Variants in SEMA6D observed in about 807,000 individuals in gnomAD.
The protein encoded by SEMA6D is semaphorin-6D.
A neutral mutation model predicts 106.6 loss-of-function variants in SEMA6D; 35 were observed. That is an observed-to-expected ratio of 0.33 (90% CI 0.25 to 0.44). The LOEUF (loss-of-function observed/expected upper bound fraction) is 0.44. Among genes scored for constraint, SEMA6D ranks in the 20% least tolerant of loss-of-function variants. The pLI is 1.00. For synonymous variants in SEMA6D, 499 were observed against 487.7 expected (o/e 1.02, Z -0.31); for missense variants, 1,185 against 1,345.9 (o/e 0.88, Z 1.87).
At chr15:47,579,019 G>C (rs1186215526) in intron 3 of SEMA6D, among the ~76,000 whole-genome samples, 2 of 152,154 alleles carry the variant, frequency 1.3e-5, no homozygotes, top group African/African-American at 4.8e-5. Flanking sequence ...ACTGGTCAGA[G>C]CATTTTCTGA....
Position 47,508,017 on chromosome 15 carries a change from A to G in SEMA6D, c.-87+37472A>G, listed in dbSNP as rs576837001. Reference sequence around the variant, plus strand: ...GATTTAAACTTCAGTTCTTAATATCATAACCATGCAATACTGCCTATGAAA... The same window carrying G: ...GATTTAAACTTCAGTTCTTAATATCGTAACCATGCAATACTGCCTATGAAA... On this transcript the variant is annotated intron_variant, in intron 3 of 19. Coordinates refer to the SEMA6D transcript ENST00000558014. Among the ~76,000 whole-genome samples the G allele has an allele frequency of 3.9e-5, 6 of 152,342 alleles. 1 individual carries two copies. In the South Asian group the frequency reaches 1.0e-3, roughly 26 times the overall value.
At chr15:47,699,520 T>C (rs1347342073) in intron 4 of SEMA6D, among the ~76,000 whole-genome samples, 2 of 152,214 alleles carry the variant, frequency 1.3e-5, no homozygotes, top group African/African-American at 4.8e-5. Flanking sequence ...ACATTTGTTG[T>C]TCTGTTTAAT....
chr15:47,466,124 G>A (rs1268319835), intron 2 of SEMA6D, among the ~76,000 whole-genome samples: 1 of 152,124 alleles, frequency 6.6e-6, no homozygotes, highest in African/African-American at 2.4e-5. Context: ...AAATTAAGAT[G>A]TTCATCACCT....
chr15:47,729,602 C>A (rs1005916844), intron 1 of SEMA6D, among the ~76,000 whole-genome samples: 1 of 152,200 alleles, frequency 6.6e-6, no homozygotes, highest in Admixed American at 6.5e-5. Flanking sequence ...CACCCCACTC[C>A]ATCTGCTGAT....
At chr15:47,676,112 G>A (rs2078240345) in intron 4 of SEMA6D, among the ~76,000 whole-genome samples, 1 of 152,166 alleles carries the variant, frequency 6.6e-6, no homozygotes, top group Non-Finnish European at 1.5e-5. Flanking sequence ...TTGCCTACCC[G>A]CGGCATTGGT....
chr15:47,270,359 A>AT (rs2034502553), intron 1 of SEMA6D, among the ~76,000 whole-genome samples: 1 of 151,744 alleles, frequency 6.6e-6, no homozygotes, highest in Non-Finnish European at 1.5e-5. Context: ...ATTGCTAGTA[A>AT]TTGCTTTATA....
At position 47,771,635 on chromosome 15, in the gene SEMA6D, C is replaced by G. The variant is rs150062428; in HGVS notation, c.3072C>G (p.Ser1024=). Residue 1024 remains serine, a synonymous_variant, in exon 19 of 19, where the codon TCC becomes TCG. Coordinates refer to ENST00000536845, the MANE Select transcript of SEMA6D (RefSeq NM_001358351.3). ...CAGTGAGTGTTCATCTGCAGCCTTCCCTCTCCAGACAGAGCAGCTACACCA... is the reference window on the plus strand; with the variant it reads ...CAGTGAGTGTTCATCTGCAGCCTTCGCTCTCCAGACAGAGCAGCTACACCA... ...GTPVSVHLQP[S]LSRQSSYTSN... The G allele has an allele frequency of 8.3e-5, 134 of 1,613,994 alleles. No homozygotes were observed. The Middle Eastern group carries it at 1.3e-3, about 16-fold the overall frequency.
chr15:47,365,026 A>T (rs2038960386), intron 1 of SEMA6D, among the ~76,000 whole-genome samples: 1 of 152,220 alleles, frequency 6.6e-6, no homozygotes, highest in Admixed American at 6.5e-5. Flanking sequence ...AGGCAGCAAG[A>T]TAACAAAAGG....
intron 1 of SEMA6D, among the ~76,000 whole-genome samples, chr15:47,198,905 A>T (rs886131044): frequency 1.3e-5 from 2 of 152,184 alleles, no homozygotes; most frequent in African/African-American, 4.8e-5. Flanking sequence ...AAGAGATTTC[A>T]ATGGGTACAG....
chr15:47,486,403 AT>A (rs2141363981), intron 3 of SEMA6D, among the ~76,000 whole-genome samples: 1 of 152,356 alleles, frequency 6.6e-6, no homozygotes, highest in Admixed American at 6.5e-5. Context: ...AAGGTCTTGT[AT>A]TTATAAAGTT....
rs540984481 is a variant in SEMA6D, at chr15:47,222,080, A to T, written c.-239+37662A>T. 2.0e-5 allele frequency among the ~76,000 whole-genome samples: 3 copies of T among 152,206 alleles called. No individual in the cohort carries two copies. The East Asian group carries it at 5.8e-4, about 29-fold the overall frequency. ...GCAAGTGTTTAAGAACTCCTGAACC[A>T]ACTGAGTGGATTATAATTCTGCAAG... is the stretch of plus-strand genomic sequence containing the variant. On this transcript the variant is annotated intron_variant, in intron 1 of 19. Coordinates refer to the SEMA6D transcript ENST00000558014.
intron 4 of SEMA6D, among the ~76,000 whole-genome samples, chr15:47,619,971 T>C (rs978176836): frequency 6.6e-6 from 1 of 152,208 alleles, no homozygotes; most frequent in African/African-American, 2.4e-5. Context: ...CTATTCACAT[T>C]ACATCTGCTG....
At chr15:47,568,345 G>A (rs1308776323) in intron 3 of SEMA6D, among the ~76,000 whole-genome samples, 1 of 152,054 alleles carries the variant, frequency 6.6e-6, no homozygotes, top group Non-Finnish European at 1.5e-5. Flanking sequence ...AGTGTCCATT[G>A]GCAAGAGAAA....
chr15:47,367,363 C>A (rs1437764421), intron 1 of SEMA6D, among the ~76,000 whole-genome samples: 1 of 152,222 alleles, frequency 6.6e-6, no homozygotes, highest in East Asian at 1.9e-4. Context: ...TAGACAGCAA[C>A]CCTCAGGTCA....
At chr15:47,649,814 G>GC (rs2077652560) in intron 4 of SEMA6D, among the ~76,000 whole-genome samples, 1 of 137,022 alleles carries the variant, frequency 7.3e-6, no homozygotes, top group Admixed American at 6.8e-5. Context: ...CTATACAATA[G>GC]CTCGTGGAGG....
intron 1 of SEMA6D, among the ~76,000 whole-genome samples, chr15:47,239,651 G>C (rs1019723632): frequency 6.6e-6 from 1 of 152,136 alleles, no homozygotes; most frequent in Non-Finnish European, 1.5e-5. Flanking sequence ...ACTGAGTGTA[G>C]AGCAGTGTGT....
intron 1 of SEMA6D, among the ~76,000 whole-genome samples, chr15:47,213,189 A>G (rs1010937077): frequency 1.3e-5 from 2 of 152,182 alleles, no homozygotes; most frequent in Non-Finnish European, 2.9e-5. Context: ...AGTGCTCAAT[A>G]GCCATGTGGC....
In SEMA6D at chr15:47,325,522, A is replaced by G. The variant is rs12594044; in HGVS notation, c.-238-86871A>G. Among the ~76,000 whole-genome samples, 1,615 of 152,296 alleles carry G rather than the reference A, an allele frequency of 0.011. 90 individuals carry two copies. In the East Asian group the frequency reaches 0.17, roughly 16 times the overall value. On this transcript the variant is annotated intron_variant, in intron 1 of 19. Transcript: ENST00000558014. ...CTGTCAGTATTATTTCCTTTCACATATTGTAATGAACTGTGACAGAAATGC... is the reference window on the plus strand; with the variant it reads ...CTGTCAGTATTATTTCCTTTCACATGTTGTAATGAACTGTGACAGAAATGC...
chr15:47,279,463 C>T (rs1022638065), intron 1 of SEMA6D, among the ~76,000 whole-genome samples: 1 of 147,624 alleles, frequency 6.8e-6, no homozygotes, highest in African/African-American at 2.6e-5. Context: ...ACAATCATGT[C>T]GTCTGCAAAC....
Sources: allele counts gnomAD v4.1 joint callset (sites outside exome capture counted in the v4.1 genomes callset), GRCh38; gene constraint gnomAD v4.1.1; transcripts MANE v1.5; gene names NCBI Gene and HGNC (gene_info 2026-07-23, HGNC 2026-07-21).